The following COL22A1 variants were observed in gnomAD, a reference collection of about 807,000 sequenced individuals.
COL22A1 encodes the protein collagen alpha-1(XXII) chain.
COL22A1 carries 221 observed loss-of-function variants against 248.9 expected under a neutral mutation model. That is an observed-to-expected ratio of 0.89 (90% CI 0.80 to 0.99). The LOEUF (loss-of-function observed/expected upper bound fraction) is 0.99, where lower values mean the gene tolerates loss of function less well. Ranked by LOEUF, COL22A1 falls within the 50% of genes least tolerant of loss-of-function variation. The pLI, the probability that COL22A1 is intolerant of heterozygous loss-of-function variation, is 0.00. For missense variants in COL22A1, 2,240 were observed against 2,179.0 expected (o/e 1.03, Z -0.56); for synonymous variants, 891 against 793.4 (o/e 1.12, Z -2.07).
At chr8:138,593,895 T>A (rs1326635913) in intron 63 of COL22A1, 122 bp downstream of exon 63, 1 of 708,754 alleles carries the variant, frequency 1.4e-6, no homozygotes, top group East Asian at 3.2e-5. Context: ...AAACTCTGGG[T>A]GTTACCAAGC....
intron 6 of COL22A1, among the ~76,000 whole-genome samples, chr8:138,825,231 A>C (rs1819490408): frequency 6.6e-6 from 1 of 152,232 alleles, no homozygotes; most frequent in South Asian, 2.1e-4. Flanking sequence ...CCACACTTAC[A>C]AAATCAAGCC....
At chr8:138,901,432 T>C (rs981372800) in intron 1 of COL22A1, among the ~76,000 whole-genome samples, 1 of 147,502 alleles carries the variant, frequency 6.8e-6, no homozygotes, top group African/African-American at 2.5e-5. Flanking sequence ...AGTGGTGTGA[T>C]CACAGCTCAC....
At chr8:138,767,834 C>T (rs551546579) in intron 16 of COL22A1, among the ~76,000 whole-genome samples, 3 of 152,316 alleles carry the variant, frequency 2.0e-5, no homozygotes, top group Admixed American at 6.5e-5. Flanking sequence ...GCCGGCTGCC[C>T]GTGCCTGACC....
intron 47 of COL22A1, 114 bp downstream of exon 47, chr8:138,646,515 T>A: frequency 1.2e-5 from 9 of 736,778 alleles, no homozygotes; most frequent in South Asian, 3.0e-5. Flanking sequence ...AGAACAGGGG[T>A]TTTCTGATTT....
chr8:138,814,260 C>A (rs766668289), intron 7 of COL22A1, among the ~76,000 whole-genome samples: 1 of 152,276 alleles, frequency 6.6e-6, no homozygotes, highest in East Asian at 1.9e-4. Context: ...AACGAGCAAT[C>A]TCCCAGTCAC....
chr8:138,821,045 G>T, intron 7 of COL22A1, 91 bp downstream of exon 7: 1 of 1,369,328 alleles, frequency 7.3e-7, no homozygotes, highest in Non-Finnish European at 1.0e-6. Context: ...CCTGGTTCAT[G>T]CAGGTGTGGA....
intron 55 of COL22A1, 66 bp downstream of exon 55, chr8:138,615,935 G>T: frequency 8.5e-7 from 1 of 1,182,184 alleles, no homozygotes; most frequent in South Asian, 1.3e-5. Context: ...CAGTTTCTGG[G>T]TGTCACTTCC....
At chr8:138,591,897 A>C (rs1292213722) in intron 63 of COL22A1, among the ~76,000 whole-genome samples, 1 of 152,176 alleles carries the variant, frequency 6.6e-6, no homozygotes, top group Non-Finnish European at 1.5e-5. Flanking sequence ...AAATGTACAC[A>C]CCTACACACT....
At chr8:138,603,886 A>T (rs1818229821) in intron 59 of COL22A1, among the ~76,000 whole-genome samples, 1 of 152,124 alleles carries the variant, frequency 6.6e-6, no homozygotes, top group South Asian at 2.1e-4. Context: ...TGAAACGGAG[A>T]AGCTAATTTC....
At chr8:138,787,584 CT>C (rs1490175346) in intron 12 of COL22A1, among the ~76,000 whole-genome samples, 1 of 152,188 alleles carries the variant, frequency 6.6e-6, no homozygotes, top group Non-Finnish European at 1.5e-5. Context: ...ACCCAAGCCT[CT>C]ATTTTCCACC....
intron 4 of COL22A1, among the ~76,000 whole-genome samples, chr8:138,841,886 T>A (rs1014258138): frequency 1.1e-4 from 17 of 152,104 alleles, no homozygotes; most frequent in African/African-American, 4.1e-4. Flanking sequence ...GGGGAAGAGC[T>A]CTGAATATTG....
At chr8:138,640,562 A>AT in intron 47 of COL22A1, among the ~76,000 whole-genome samples, 1 of 151,772 alleles carries the variant, frequency 6.6e-6, no homozygotes, top group South Asian at 2.1e-4. Context: ...CTAAAATCCT[A>AT]CCTCCTCCAG....
intron 47 of COL22A1, among the ~76,000 whole-genome samples, chr8:138,641,764 C>A (rs1172144120): frequency 6.6e-6 from 1 of 152,146 alleles, no homozygotes; most frequent in Non-Finnish European, 1.5e-5. Context: ...TGCAGGAGAC[C>A]AATGAATGCC....
intron 15 of COL22A1, chr8:138,778,081 G>A (rs1667241042): frequency 7.6e-6 from 4 of 525,706 alleles, no homozygotes; most frequent in Non-Finnish European, 1.0e-5. Flanking sequence ...TGTGGTGCTG[G>A]TTAAAAATGC....
rs1440408474 is a variant in COL22A1 at position 138,726,513 on chromosome 8, A to AAAAAAAAAG, written c.2140-1074_2140-1073insCTTTTTTTT. Among the ~76,000 whole-genome samples, 3 of 147,444 alleles carry AAAAAAAAAG rather than the reference A, an allele frequency of 2.0e-5. No individual in the cohort carries two copies. In the Admixed American group the frequency reaches 2.1e-4, roughly 10 times the overall value. On this transcript the variant is annotated intron_variant, in intron 23 of 64. Transcript: ENST00000303045. Reference sequence around the variant, plus strand: ...CCTGTATCTACAAAAAAAAAAAAAAAGAAAGAAAAAAAGACAAATGGCCCA... The same window carrying AAAAAAAAAG: ...CCTGTATCTACAAAAAAAAAAAAAAAAAAAAAAAGGAAAGAAAAAAAGACAAATGGCCCA...
chr8:138,838,387 G>T (rs188879734), intron 4 of COL22A1, among the ~76,000 whole-genome samples: 1 of 152,092 alleles, frequency 6.6e-6, no homozygotes, highest in African/African-American at 2.4e-5. Flanking sequence ...AATCTGGGCG[G>T]ACACGTGCCT....
At chr8:138,597,169 A>C (rs149818839) in intron 61 of COL22A1, among the ~76,000 whole-genome samples, 199 bp from the exon 62 acceptor site, 1 of 152,166 alleles carries the variant, frequency 6.6e-6, no homozygotes, top group East Asian at 1.9e-4. Flanking sequence ...CCCATTTTAC[A>C]CAGCAACCCG....
intron 3 of COL22A1, among the ~76,000 whole-genome samples, chr8:138,869,493 A>G (rs1037683920): frequency 3.3e-5 from 5 of 152,172 alleles, no homozygotes; most frequent in African/African-American, 1.2e-4. Flanking sequence ...AGTTTTAGGC[A>G]GAGGCAGGAG....
chr8:138,888,012 G>A lies in COL22A1; in HGVS notation c.-72-4768C>T, dbSNP rs575747568. On this transcript the variant is annotated intron_variant, in intron 1 of 64. Coordinates refer to ENST00000303045, the MANE Select transcript of COL22A1 (RefSeq NM_152888.3). The stretch of plus-strand genomic sequence containing the variant: ...ATTAGCTAAGTGTATTTTCCCTTCT[G>A]TATATTTTATTTTCATGTGGCTGTA... Among the ~76,000 whole-genome samples the A allele has an allele frequency of 1.5e-3, 231 of 152,168 alleles. 1 individual carries two copies. The highest frequency in any genetic ancestry group is 3.0e-3 in the Admixed American group (46 of 15,276).
Sources: allele counts gnomAD v4.1 joint callset (sites outside exome capture counted in the v4.1 genomes callset), GRCh38; gene constraint gnomAD v4.1.1; transcripts MANE v1.5; gene names NCBI Gene and HGNC (gene_info 2026-07-23, HGNC 2026-07-21).